PCDHA12: variants seen among roughly 807,000 people sequenced by gnomAD.
PCDHA12 encodes protocadherin alpha-12.
A neutral mutation model predicts 60.0 loss-of-function variants in PCDHA12; 44 were observed. That is an observed-to-expected ratio of 0.73 (90% CI 0.58 to 0.94). The LOEUF (loss-of-function observed/expected upper bound fraction) is 0.94. Among genes scored for constraint, PCDHA12 ranks in the 40% least tolerant of loss-of-function variants. The probability of loss-of-function intolerance (pLI) is 0.00; values close to 1 mark genes in which losing one functional copy is unlikely to be tolerated. For synonymous variants in PCDHA12, 569 were observed against 553.0 expected (o/e 1.03, Z -0.40); for missense variants, 1,276 against 1,239.7 (o/e 1.03, Z -0.44).
At chr5:140,907,913 C>T (rs2073688326) in intron 1 of PCDHA12, among the ~76,000 whole-genome samples, 1 of 152,234 alleles carries the variant, frequency 6.6e-6, no homozygotes, top group Non-Finnish European at 1.5e-5. Context: ...TTTTTGACCA[C>T]TCAGAGAGGT....
chr5:140,906,486 A>C (rs2072686991), intron 1 of PCDHA12, among the ~76,000 whole-genome samples: 1 of 152,270 alleles, frequency 6.6e-6, no homozygotes, highest in East Asian at 1.9e-4. Context: ...GTATAAATGC[A>C]CAAACATGTT....
intron 2 of PCDHA12, 171 bp from the exon 3 acceptor site, chr5:140,982,304 C>G: frequency 8.0e-7 from 1 of 1,244,768 alleles, no homozygotes. Context: ...AGCAATGCTT[C>G]TGCAGTTTAT....
In PCDHA12 at chr5:140,883,730, G is replaced by A. The variant is rs140457638; in HGVS notation, c.2367+5891G>A. On this transcript the variant is annotated intron_variant, in intron 1 of 3. Transcript: ENST00000398631. ...TCAGGACGCGGACGCACAGGAGAAC[G>A]CGCTGGTCTCCTACTCGCTGGTGGA... The A allele has an allele frequency of 3.7e-6, 6 of 1,613,412 alleles. No individual in the cohort carries two copies. In the African/African-American group the frequency reaches 6.7e-5, roughly 18 times the overall value.
In PCDHA12 at chr5:140,969,495, C is replaced by T. The variant is rs1205771172; in HGVS notation, c.2368-9454C>T. On this transcript the variant is annotated intron_variant, in intron 1 of 3. Transcript: ENST00000398631. The stretch of plus-strand genomic sequence containing the variant: ...TTGATCATAATCTGCTATTTCCTCT[C>T]TAGAAAAATAGCACTAAAGAATTGT... 10 of 1,437,770 alleles carry T rather than the reference C, an allele frequency of 7.0e-6. No homozygotes were observed. The African/African-American group carries it at 7.2e-5, about 10-fold the overall frequency. The allele number at this position is 1,437,770 out of a possible 1,614,324, so 89.1% of individuals were successfully genotyped here. A position where few individuals can be genotyped will look rare whatever the true frequency, so the allele number is the denominator to read the frequency against.
chr5:140,887,306 C>G (rs2061398552), intron 1 of PCDHA12, among the ~76,000 whole-genome samples: 1 of 152,096 alleles, frequency 6.6e-6, no homozygotes. Flanking sequence ...TCTTGTTAGC[C>G]AGGATAGTCT....
intron 1 of PCDHA12, among the ~76,000 whole-genome samples, chr5:140,965,277 G>A (rs1209263426): frequency 6.6e-6 from 1 of 152,196 alleles, no homozygotes; most frequent in African/African-American, 2.4e-5. Context: ...CAATGACACA[G>A]CATGGAAAGA....
chr5:140,937,219 T>C lies in PCDHA12; in HGVS notation c.2368-41730T>C, dbSNP rs555881657. Among the ~76,000 whole-genome samples the C allele has an allele frequency of 5.4e-3, 826 of 151,832 alleles. 4 individuals are homozygous for C. Among genetic ancestry groups the C allele is most frequent in the African/African-American group, 0.019 (796 of 41,458 alleles). ...TGCCCGGCTAATTTTTTGTATTTTT[T>C]GTAGAGACGGGGTTTCACCGTGTTA... On this transcript the variant is annotated intron_variant, in intron 1 of 3. Coordinates refer to ENST00000398631, the MANE Select transcript of PCDHA12 (RefSeq NM_018903.4).
At position 140,980,684 on chromosome 5, in the gene PCDHA12, GA is replaced by G. The variant is rs782726576; in HGVS notation, c.2426+1687del. 1.5e-4 allele frequency among the ~76,000 whole-genome samples: 22 copies of G among 145,136 alleles called. No individual in the cohort carries two copies. In the East Asian group the frequency reaches 2.6e-3, roughly 17 times the overall value. ...AACTTCCTTATCCCATTTTCAAATT[GA>G]AAAAAAAAAGCCAAATGTGCTCCTA... On this transcript the variant is annotated intron_variant, in intron 2 of 3. Transcript: ENST00000398631.
At chr5:140,966,703 G>T in intron 1 of PCDHA12, 1 of 1,376,398 alleles carries the variant, frequency 7.3e-7, no homozygotes, top group South Asian at 1.7e-5. Flanking sequence ...CCCGGGCGTG[G>T]GGCACGGCTG....
At position 141,010,091 on chromosome 5, in the gene PCDHA12, A is replaced by G; in HGVS notation, c.*154A>G. The G allele has an allele frequency of 6.2e-7, 1 of 1,612,860 alleles. No individual in the cohort carries two copies. The highest frequency in any genetic ancestry group is 8.5e-7 in the Non-Finnish European group (1 of 1,179,382). ...AGTTCCCTGTGTCTGTCTAGAACGCATTTAACAGGTTTTGTCGTAAAAGCT... is the reference window on the plus strand; with the variant it reads ...AGTTCCCTGTGTCTGTCTAGAACGCGTTTAACAGGTTTTGTCGTAAAAGCT... On this transcript the variant is annotated 3_prime_UTR_variant, in exon 4 of 4. Coordinates refer to ENST00000398631, the MANE Select transcript of PCDHA12 (RefSeq NM_018903.4).
At chr5:140,941,644 C>T (rs1157047813) in intron 1 of PCDHA12, among the ~76,000 whole-genome samples, 2 of 152,034 alleles carry the variant, frequency 1.3e-5, no homozygotes, top group African/African-American at 4.8e-5. Flanking sequence ...TGTCTTCCTA[C>T]AACTTATGTC....
At position 140,915,662 on chromosome 5, in the gene PCDHA12, G is replaced by T. The variant is rs75670796; in HGVS notation, c.2367+37823G>T. On this transcript the variant is annotated intron_variant, in intron 1 of 3. Transcript: ENST00000398631. ...TCTCTCTCTCTCTCTCTCTCAAGGT[G>T]CTGGGCCATCTTGAACTAGGGGTAT... is the stretch of plus-strand genomic sequence containing the variant. 8.2e-3 allele frequency among the ~76,000 whole-genome samples: 1,195 copies of T among 145,332 alleles called. 7 individuals are homozygous for T. Among genetic ancestry groups the T allele is most frequent in the African/African-American group, 0.02 (782 of 39,430 alleles).
intron 1 of PCDHA12, among the ~76,000 whole-genome samples, chr5:140,898,159 G>A (rs377677002): frequency 1.3e-5 from 2 of 151,916 alleles, no homozygotes; most frequent in South Asian, 2.1e-4. Context: ...CGCTGATGGT[G>A]GTTTCTTTTG....
At chr5:140,926,775 G>C in intron 1 of PCDHA12, 9 of 1,391,106 alleles carry the variant, frequency 6.5e-6, no homozygotes, top group Admixed American at 3.1e-5. Flanking sequence ...GCCCGCAGCA[G>C]TGACGGCCGG....
At chr5:140,978,862 T>C (rs750080921) in intron 1 of PCDHA12, 87 bp from the exon 2 acceptor site, 138 of 1,599,976 alleles carry the variant, frequency 8.6e-5, no homozygotes, top group Non-Finnish European at 1.1e-4. Flanking sequence ...CTGGAAATAT[T>C]TAAGGGAGTA....
intron 3 of PCDHA12, among the ~76,000 whole-genome samples, chr5:140,998,569 G>GTT (rs71574497): frequency 0.068 from 10,108 of 149,316 alleles, 392 homozygotes; most frequent in Middle Eastern, 0.14. Flanking sequence ...TTGTAAATAA[G>GTT]TTTTTTTTTT....
chr5:140,991,172 G>T (rs2097436221), intron 3 of PCDHA12, among the ~76,000 whole-genome samples: 1 of 152,160 alleles, frequency 6.6e-6, no homozygotes, highest in Non-Finnish European at 1.5e-5. Flanking sequence ...CCATTGTCAA[G>T]CAGGATGCCT....
chr5:140,887,242 G>A (rs1445154638), intron 1 of PCDHA12, among the ~76,000 whole-genome samples: 2 of 151,722 alleles, frequency 1.3e-5, no homozygotes, highest in African/African-American at 4.8e-5. Flanking sequence ...GACTACCGGC[G>A]CCCGCCACCA....
intron 1 of PCDHA12, among the ~76,000 whole-genome samples, chr5:140,951,497 A>G (rs2094591184): frequency 6.6e-6 from 1 of 152,030 alleles, no homozygotes; most frequent in Non-Finnish European, 1.5e-5. Flanking sequence ...GGTGGAAGGC[A>G]AAAGGAAAGC....
Sources: allele counts gnomAD v4.1 joint callset (sites outside exome capture counted in the v4.1 genomes callset), GRCh38; gene constraint gnomAD v4.1.1; transcripts MANE v1.5; gene names NCBI Gene and HGNC (gene_info 2026-07-23, HGNC 2026-07-21).